RSPO2: variants seen among roughly 807,000 people sequenced by gnomAD.
RSPO2 encodes the protein R-spondin-2.
RSPO2 carries 14 observed loss-of-function variants against 30.9 expected under a neutral mutation model. The observed-to-expected ratio is 0.45, with a 90% CI of 0.30 to 0.71. The LOEUF is 0.71. Ranked by LOEUF, RSPO2 falls within the 30% of genes least tolerant of loss-of-function variation. The probability of loss-of-function intolerance (pLI) is 0.08; values close to 1 mark genes in which losing one functional copy is unlikely to be tolerated. For missense variants in RSPO2, 264 were observed against 301.9 expected, an observed-to-expected ratio of 0.87 and a Z score of 0.93; for synonymous variants, 107 against 96.4, an observed-to-expected ratio of 1.11 and a Z score of -0.64.
intron 5 of RSPO2, among the ~76,000 whole-genome samples, chr8:107,925,988 C>A (rs1441483042): frequency 6.6e-6 from 1 of 152,172 alleles, no homozygotes; most frequent in African/African-American, 2.4e-5. Context: ...ACACTGTCTT[C>A]CACAATGGTT....
intron 2 of RSPO2, among the ~76,000 whole-genome samples, chr8:108,071,226 G>C (rs1019254384): frequency 1.3e-5 from 2 of 152,176 alleles, no homozygotes; most frequent in Non-Finnish European, 2.9e-5. Flanking sequence ...CAGTTTTCAA[G>C]GGGTAGTTTC....
chr8:107,960,563 A>G, intron 4 of RSPO2, 111 bp downstream of exon 4: 1 of 1,042,454 alleles, frequency 9.6e-7, no homozygotes, highest in Non-Finnish European at 1.4e-6. Context: ...GTTCTACTGA[A>G]CAAGAGAACC....
At position 108,083,408 on chromosome 8, in the gene RSPO2, G is replaced by A. The variant is rs374123905; in HGVS notation, c.-381C>T. On this transcript the variant is annotated 5_prime_UTR_variant, in exon 1 of 6. The change creates a new upstream start codon in the 5' untranslated region. Transcript: ENST00000276659. The stretch of plus-strand genomic sequence containing the variant: ...GCGGGTGCAGCCACTGGGATGCTCC[G>A]TCCCCGCCCGCGAGCGCGGTCCCCA... 1 of 152,240 alleles carries A rather than the reference G, an allele frequency of 6.6e-6. No homozygotes were observed. Among genetic ancestry groups the A allele is most frequent in the Non-Finnish European group, 1.5e-5 (1 of 68,070 alleles). The allele number at this position is 152,240 out of a possible 1,614,324, so 9.4% of individuals were successfully genotyped here.
intron 5 of RSPO2, among the ~76,000 whole-genome samples, chr8:107,910,918 A>G (rs1412239410): frequency 6.6e-6 from 1 of 152,136 alleles, no homozygotes; most frequent in Non-Finnish European, 1.5e-5. Flanking sequence ...TAAAATAGCT[A>G]CAATGTAATG....
chr8:107,977,935 C>T (rs1022423536), intron 3 of RSPO2, among the ~76,000 whole-genome samples: 2 of 151,922 alleles, frequency 1.3e-5, no homozygotes, highest in African/African-American at 4.8e-5. Context: ...TAGATCCTAA[C>T]TGGCTTTTAT....
At chr8:107,911,863 C>G (rs1443887954) in intron 5 of RSPO2, among the ~76,000 whole-genome samples, 2 of 152,092 alleles carry the variant, frequency 1.3e-5, no homozygotes, top group Admixed American at 1.3e-4. Context: ...ATTTAAATGG[C>G]TGCTGAACAA....
intron 2 of RSPO2, among the ~76,000 whole-genome samples, chr8:108,072,860 G>A (rs542468992): frequency 5.3e-5 from 8 of 152,234 alleles, no homozygotes; most frequent in South Asian, 2.1e-4. Context: ...TAAAGAATTC[G>A]AAAAACAATT....
At chr8:107,945,935 G>A (rs1295808025) in intron 5 of RSPO2, among the ~76,000 whole-genome samples, 6 of 152,142 alleles carry the variant, frequency 3.9e-5, no homozygotes, top group East Asian at 3.9e-4. Context: ...GAGGTGAAAC[G>A]AGTTCACCTT....
At chr8:108,023,803 C>T (rs979311746) in intron 2 of RSPO2, among the ~76,000 whole-genome samples, 1 of 152,030 alleles carries the variant, frequency 6.6e-6, no homozygotes, top group African/African-American at 2.4e-5. Context: ...AGTAGATGGC[C>T]AGGCTTGTGT....
chr8:107,922,278 A>G (rs1483343185), intron 5 of RSPO2, among the ~76,000 whole-genome samples: 2 of 152,176 alleles, frequency 1.3e-5, no homozygotes, highest in Admixed American at 1.3e-4. Context: ...ATCAATGTAC[A>G]AAAGTCACTA....
intron 2 of RSPO2, among the ~76,000 whole-genome samples, chr8:108,056,623 CAAA>C (rs56256415): frequency 2.8e-5 from 2 of 71,842 alleles, no homozygotes; most frequent in African/African-American, 6.3e-5. Flanking sequence ...AGACCCGTCT[CAAA>C]AAAAAAAAAA....
intron 3 of RSPO2, among the ~76,000 whole-genome samples, chr8:107,987,314 T>G (rs1157599040): frequency 6.6e-6 from 1 of 152,208 alleles, no homozygotes; most frequent in Non-Finnish European, 1.5e-5. Context: ...CTCCCTCACT[T>G]CTGCTAGAAT....
In RSPO2 at chr8:107,993,318, A is replaced by G. The variant is rs577419691; in HGVS notation, c.95-4074T>C. Among the ~76,000 whole-genome samples the G allele has an allele frequency of 2.6e-4, 40 of 152,218 alleles. 1 individual carries two copies. The highest frequency in any genetic ancestry group is 1.5e-3 in the Admixed American group (23 of 15,282). ...ATGTATAAAATATGGGTAGGAAGAA[A>G]CAATCCGAATATCTATGAACAGAAT... On this transcript the variant is annotated intron_variant, in intron 2 of 5. Coordinates refer to ENST00000276659, the MANE Select transcript of RSPO2 (RefSeq NM_178565.5).
At chr8:107,977,614 A>G (rs1241894982) in intron 3 of RSPO2, among the ~76,000 whole-genome samples, 1 of 152,164 alleles carries the variant, frequency 6.6e-6, no homozygotes, top group Non-Finnish European at 1.5e-5. Context: ...GGTCTGAGAG[A>G]GACAGACACC....
chr8:108,028,304 A>G (rs977074336), intron 2 of RSPO2, among the ~76,000 whole-genome samples: 4 of 152,162 alleles, frequency 2.6e-5, no homozygotes, highest in Non-Finnish European at 5.9e-5. Flanking sequence ...AACGTGTCCA[A>G]ATGCCACCTT....
chr8:108,070,249 A>AG (rs931641224), intron 2 of RSPO2, among the ~76,000 whole-genome samples: 1 of 147,550 alleles, frequency 6.8e-6, no homozygotes, highest in African/African-American at 2.5e-5. Context: ...GCTTGAGCCC[A>AG]GCCTGGGCAA....
At position 107,923,277 on chromosome 8, in the gene RSPO2, T is replaced by C. The variant is rs1008684951; in HGVS notation, c.617-22087A>G. Among the ~76,000 whole-genome samples the C allele has an allele frequency of 6.6e-5, 10 of 152,146 alleles. No individual in the cohort carries two copies. In the South Asian group the frequency reaches 2.1e-3, roughly 32 times the overall value. On this transcript the variant is annotated intron_variant, in intron 5 of 5. Transcript: ENST00000276659. ...GTGGGCAAAGGACATGAACAGATGC[T>C]TTTCAAAAGATGACACACATGTGGC...
In RSPO2 at chr8:108,000,141, T is replaced by C. The variant is rs577467324; in HGVS notation, c.95-10897A>G. On this transcript the variant is annotated intron_variant, in intron 2 of 5. Transcript: ENST00000276659. ...GTATGGTTGCAAAATAAATGTGGAG[T>C]CTTAGGTGGTTCTGCTTGAGGGCAC... Among the ~76,000 whole-genome samples the C allele has an allele frequency of 2.2e-4, 33 of 151,898 alleles. No homozygotes were observed. The South Asian group carries it at 6.7e-3, about 31-fold the overall frequency.
Position 107,943,220 on chromosome 8 carries a change from C to T in RSPO2, c.616+14860G>A, listed in dbSNP as rs57850941. On this transcript the variant is annotated intron_variant, in intron 5 of 5. Transcript: ENST00000276659. ...CACCATGCACACATGCGTGCGTGCG[C>T]GCGCACACACAGACACACACACAAT... Among the ~76,000 whole-genome samples the T allele has an allele frequency of 7.7e-3, 1,176 of 152,140 alleles. 5 individuals carry two copies. The highest frequency in any genetic ancestry group is 0.025 in the African/African-American group (1,041 of 41,418).
Sources: gnomAD v4.1 joint callset for allele counts (sites outside exome capture counted in the v4.1 genomes callset) on GRCh38, gnomAD v4.1.1 for gene constraint, MANE v1.5 for transcripts, NCBI Gene and HGNC (gene_info 2026-07-23, HGNC 2026-07-21) for gene names.